ALK: variants seen among roughly 807,000 people sequenced by gnomAD.
ALK encodes ALK receptor tyrosine kinase, also known as ALK tyrosine kinase receptor.
Under a neutral mutation model 163.1 loss-of-function variants are expected in ALK, and 74 were observed. The observed-to-expected ratio is 0.45, with a 90% confidence interval of 0.38 to 0.55. The LOEUF (loss-of-function observed/expected upper bound fraction) is 0.55. Ranked by LOEUF, ALK falls within the 20% of genes least tolerant of loss-of-function variation. ALK has a pLI of 0.00. For synonymous variants in ALK, 960 were observed against 843.2 expected, an observed-to-expected ratio of 1.14 and a Z score of -2.40; for missense variants, 2,063 against 2,105.3, an observed-to-expected ratio of 0.98 and a Z score of 0.39.
intron 3 of ALK, among the ~76,000 whole-genome samples, chr2:29,693,134 A>G (rs1021656612): frequency 1.3e-5 from 2 of 152,178 alleles, no homozygotes; most frequent in African/African-American, 4.8e-5. Context: ...GGTGGGATAC[A>G]GGAAACTCCA....
chr2:29,756,410 T>C (rs1680532323), intron 1 of ALK, among the ~76,000 whole-genome samples: 1 of 152,234 alleles, frequency 6.6e-6, no homozygotes, highest in African/African-American at 2.4e-5. Context: ...GTCTGTTTAT[T>C]CACTACCCTG....
intron 1 of ALK, among the ~76,000 whole-genome samples, chr2:29,870,937 A>G (rs1392929234): frequency 2.0e-5 from 3 of 152,328 alleles, no homozygotes; most frequent in Non-Finnish European, 2.9e-5. Flanking sequence ...AGGAACCACA[A>G]GGTCATGCAG....
At chr2:29,726,205 C>T (rs564208109) in intron 1 of ALK, among the ~76,000 whole-genome samples, 92 of 152,292 alleles carry the variant, frequency 6.0e-4, no homozygotes, top group Non-Finnish European at 1.1e-3. Context: ...AGCAGGGCAA[C>T]ATGACTCTCT....
At chr2:29,419,008 T>C (rs7421353) in intron 4 of ALK, among the ~76,000 whole-genome samples, 86,276 of 151,120 alleles carry the variant, frequency 0.57, 25,572 homozygotes, top group East Asian at 0.71. Flanking sequence ...CTCTCAATAA[T>C]CCTATATTCT....
At position 29,233,564 on chromosome 2, in the gene ALK, C is replaced by CA; in HGVS notation, c.2487_2487+1insT (p.Met830TyrfsTer35). 6.2e-7 allele frequency: 1 copy of CA among 1,614,204 alleles called. No individual in the cohort carries two copies. The highest frequency in any genetic ancestry group is 8.5e-7 in the Non-Finnish European group (1 of 1,180,034). On this transcript the variant is annotated frameshift_variant and splice_region_variant. Coordinates refer to ENST00000389048, the MANE Select transcript of ALK (RefSeq NM_004304.5). LOFTEE classifies it high-confidence loss of function. ...TGGAAATCTGGCAGCACACACCATA[C>CA]CTTAAATACGTAGGTGGCTCCACCC...
chr2:29,562,298 T>C (rs1302715482), intron 3 of ALK, among the ~76,000 whole-genome samples: 1 of 152,232 alleles, frequency 6.6e-6, no homozygotes, highest in Non-Finnish European at 1.5e-5. Flanking sequence ...CAAAGACTGA[T>C]TCAGTCTAGC....
chr2:29,627,418 G>A (rs927072532), intron 3 of ALK, among the ~76,000 whole-genome samples: 1 of 152,154 alleles, frequency 6.6e-6, no homozygotes, highest in Non-Finnish European at 1.5e-5. Flanking sequence ...TGCATTAGAT[G>A]GCTGGTAGCC....
intron 1 of ALK, among the ~76,000 whole-genome samples, chr2:29,871,692 G>A (rs544513435): frequency 1.4e-4 from 21 of 152,200 alleles, no homozygotes; most frequent in Admixed American, 1.1e-3. Context: ...AATATCACAT[G>A]AGTCCCCTCC....
intron 4 of ALK, among the ~76,000 whole-genome samples, chr2:29,488,373 C>T (rs1030388275): frequency 2.6e-5 from 4 of 152,062 alleles, no homozygotes; most frequent in African/African-American, 9.7e-5. Flanking sequence ...AACCCCCAAA[C>T]TGAGACTCAA....
rs189264430 is a variant in ALK at position 29,688,067 on chromosome 2, A to C, written c.952+6783T>G. On this transcript the variant is annotated intron_variant, in intron 3 of 28. Transcript: ENST00000389048. ...ACTTTGGAGAGTTAGTGTTGTCAGTAGCATTCAACCAAGAAGTTCTTTCTT... is the reference window on the plus strand; with the variant it reads ...ACTTTGGAGAGTTAGTGTTGTCAGTCGCATTCAACCAAGAAGTTCTTTCTT... Among the ~76,000 whole-genome samples the C allele has an allele frequency of 3.3e-5, 5 of 152,354 alleles. No individual in the cohort carries two copies. In the East Asian group the frequency reaches 9.6e-4, roughly 29 times the overall value.
intron 2 of ALK, among the ~76,000 whole-genome samples, chr2:29,701,371 AG>A (rs1678729663): frequency 6.6e-6 from 1 of 152,160 alleles, no homozygotes; most frequent in African/African-American, 2.4e-5. Context: ...CCCAGTTTCC[AG>A]GTGAATGTAG....
intron 1 of ALK, among the ~76,000 whole-genome samples, chr2:29,767,568 T>G (rs1243567712): frequency 6.6e-6 from 1 of 152,220 alleles, no homozygotes; most frequent in Non-Finnish European, 1.5e-5. Flanking sequence ...TCTCACTTCA[T>G]GGAGGGCCTA....
chr2:29,780,400 CA>C (rs1681301441), intron 1 of ALK, among the ~76,000 whole-genome samples: 2 of 152,252 alleles, frequency 1.3e-5, no homozygotes, highest in Non-Finnish European at 2.9e-5. Context: ...CCCACTGGAG[CA>C]GCTTTGAACT....
intron 4 of ALK, among the ~76,000 whole-genome samples, chr2:29,428,210 C>G (rs2148072163): frequency 6.6e-6 from 1 of 151,954 alleles, no homozygotes; most frequent in African/African-American, 2.4e-5. Flanking sequence ...CACCACCCAC[C>G]TTAAGATACC....
At chr2:29,384,010 A>T in intron 4 of ALK, 151 bp from the exon 5 acceptor site, 1 of 938,924 alleles carries the variant, frequency 1.1e-6, no homozygotes, top group Non-Finnish European at 1.7e-6. Flanking sequence ...GGCACTGAGG[A>T]CAGTGATTCT....
intron 3 of ALK, among the ~76,000 whole-genome samples, chr2:29,617,531 G>T (rs1210352190): frequency 6.6e-6 from 1 of 152,196 alleles, no homozygotes; most frequent in Non-Finnish European, 1.5e-5. Flanking sequence ...AGCACCTAGT[G>T]AGCACCCAGT....
intron 1 of ALK, among the ~76,000 whole-genome samples, chr2:29,792,272 A>C (rs999952315): frequency 1.3e-5 from 2 of 152,218 alleles, no homozygotes; most frequent in Non-Finnish European, 2.9e-5. Flanking sequence ...GAAGGTAGAT[A>C]GATGGAATAA....
chr2:29,815,172 TG>T (rs1435674712), intron 1 of ALK, among the ~76,000 whole-genome samples: 1 of 151,606 alleles, frequency 6.6e-6, no homozygotes, highest in Non-Finnish European at 1.5e-5. Context: ...CACTTAATAA[TG>T]GTGCAACATT....
chr2:29,433,060 C>T (rs1011032748), intron 4 of ALK, among the ~76,000 whole-genome samples: 1 of 152,122 alleles, frequency 6.6e-6, no homozygotes, highest in Non-Finnish European at 1.5e-5. Context: ...TTATAGGACC[C>T]TTAGAGATAA....
Sources: allele counts gnomAD v4.1 joint callset (sites outside exome capture counted in the v4.1 genomes callset), GRCh38; gene constraint gnomAD v4.1.1; transcripts MANE v1.5; gene names NCBI Gene and HGNC (gene_info 2026-07-23, HGNC 2026-07-21).